DGKB: variants seen among roughly 807,000 people sequenced by gnomAD.
The protein encoded by DGKB is 90 kDa diacylglycerol kinase.
DGKB carries 67 observed loss-of-function variants against 114.3 expected under a neutral mutation model. The observed-to-expected ratio is 0.59, with a 90% confidence interval of 0.48 to 0.72. The LOEUF is 0.72. Ranked by LOEUF, DGKB falls within the 30% of genes least tolerant of loss-of-function variation. The pLI, the probability that DGKB is intolerant of heterozygous loss-of-function variation, is 0.00. For synonymous variants in DGKB, 398 were observed against 323.1 expected (o/e 1.23, Z -2.49); for missense variants, 907 against 975.2 (o/e 0.93, Z 0.93).
intron 2 of DGKB, among the ~76,000 whole-genome samples, chr7:14,775,547 G>A (rs370411150): frequency 3.2e-4 from 49 of 151,884 alleles, no homozygotes; most frequent in Admixed American, 7.2e-4. Flanking sequence ...CCTAGTGGGA[G>A]ATAATTGAAT....
At chr7:14,944,847 G>T (rs1342419105) in intron 1 of DGKB, among the ~76,000 whole-genome samples, 1 of 151,634 alleles carries the variant, frequency 6.6e-6, no homozygotes, top group African/African-American at 2.4e-5. Flanking sequence ...CATTTTATTT[G>T]GTTTGTATAT....
chr7:14,549,051 T>A (rs1427280251), intron 20 of DGKB, among the ~76,000 whole-genome samples: 1 of 151,714 alleles, frequency 6.6e-6, no homozygotes, highest in African/African-American at 2.4e-5. Flanking sequence ...ATCCTGGTGA[T>A]CATCAGCAAT....
At chr7:14,329,304 C>G (rs1809296819) in intron 23 of DGKB, among the ~76,000 whole-genome samples, 1 of 151,756 alleles carries the variant, frequency 6.6e-6, no homozygotes, top group Non-Finnish European at 1.5e-5. Flanking sequence ...TAGAGTGTGG[C>G]CATTATATCA....
chr7:14,812,454 CA>C (rs1192244382), intron 2 of DGKB, among the ~76,000 whole-genome samples: 1 of 152,058 alleles, frequency 6.6e-6, no homozygotes, highest in Non-Finnish European at 1.5e-5. Flanking sequence ...AGAACAGATA[CA>C]TTCACTCACG....
intron 2 of DGKB, among the ~76,000 whole-genome samples, chr7:14,805,979 T>G (rs1226248904): frequency 6.6e-6 from 1 of 151,458 alleles, no homozygotes; most frequent in Non-Finnish European, 1.5e-5. Context: ...TTCTAAAAAT[T>G]TTCAAGTAAT....
At chr7:14,714,200 T>C (rs1040249251) in intron 6 of DGKB, among the ~76,000 whole-genome samples, 2 of 151,952 alleles carry the variant, frequency 1.3e-5, no homozygotes, top group Admixed American at 6.6e-5. Context: ...GCCTCAAATG[T>C]GGACTAGACT....
intron 3 of DGKB, among the ~76,000 whole-genome samples, chr7:14,755,504 A>G (rs553212347): frequency 6.6e-6 from 1 of 152,212 alleles, no homozygotes; most frequent in African/African-American, 2.4e-5. Context: ...TCAATTGTCC[A>G]TTTTTTCTTG....
intron 1 of DGKB, among the ~76,000 whole-genome samples, chr7:14,962,072 C>G (rs958156135): frequency 4.6e-5 from 7 of 152,078 alleles, no homozygotes; most frequent in African/African-American, 1.7e-4. Context: ...AACCGTTTGT[C>G]TAAAACTTTA....
intron 17 of DGKB, among the ~76,000 whole-genome samples, chr7:14,590,747 T>C (rs749194772): frequency 2.6e-5 from 4 of 152,136 alleles, no homozygotes; most frequent in Admixed American, 6.6e-5. Context: ...TAACACCACG[T>C]GGTTTGTTGG....
chr7:14,191,924 C>A, intron 23 of DGKB: 4 of 641,304 alleles, frequency 6.2e-6, no homozygotes, highest in South Asian at 4.4e-5. Flanking sequence ...TGGTAAAAAG[C>A]TGGAAGATGG....
intron 23 of DGKB, among the ~76,000 whole-genome samples, chr7:14,296,227 T>A (rs1802536177): frequency 6.6e-6 from 1 of 152,048 alleles, no homozygotes; most frequent in African/African-American, 2.4e-5. Flanking sequence ...AGACGGGGTT[T>A]CACCATGTTG....
intron 1 of DGKB, among the ~76,000 whole-genome samples, chr7:14,945,885 GACAAGTC>G (rs1320294558): frequency 6.6e-6 from 1 of 151,376 alleles, no homozygotes; most frequent in East Asian, 1.9e-4. Flanking sequence ...ATTTATAGTA[GACAAGTC>G]ACAACGTTTT....
At chr7:14,836,246 C>T (rs1847141561) in intron 2 of DGKB, among the ~76,000 whole-genome samples, 2 of 152,184 alleles carry the variant, frequency 1.3e-5, no homozygotes, top group South Asian at 2.1e-4. Flanking sequence ...TATGCACATT[C>T]GTCCTTATTG....
chr7:14,829,388 C>T (rs112678731), intron 2 of DGKB, among the ~76,000 whole-genome samples: 14 of 152,062 alleles, frequency 9.2e-5, no homozygotes, highest in African/African-American at 2.7e-4. Flanking sequence ...TACAGGCTGT[C>T]GGGAAAAGAA....
At chr7:14,192,847 G>T (rs1584367819) in intron 23 of DGKB, among the ~76,000 whole-genome samples, 1 of 151,994 alleles carries the variant, frequency 6.6e-6, no homozygotes, top group South Asian at 2.1e-4. Context: ...TTGTTTTCCT[G>T]CAACTAGATG....
intron 1 of DGKB, among the ~76,000 whole-genome samples, chr7:14,929,462 T>C (rs1267803236): frequency 6.6e-6 from 1 of 152,166 alleles, no homozygotes; most frequent in African/African-American, 2.4e-5. Flanking sequence ...TTTGTATTTC[T>C]CTGATGGTTA....
At chr7:14,206,921 G>C (rs1192667647) in intron 23 of DGKB, among the ~76,000 whole-genome samples, 2 of 151,588 alleles carry the variant, frequency 1.3e-5, no homozygotes, top group African/African-American at 2.4e-5. Flanking sequence ...ACTCATATCA[G>C]TTATTAGCAA....
At chr7:14,739,684 C>T (rs889817026) in intron 4 of DGKB, among the ~76,000 whole-genome samples, 16 of 152,098 alleles carry the variant, frequency 1.1e-4, no homozygotes, top group Admixed American at 2.6e-4. Flanking sequence ...ATCTCTTTCA[C>T]TTTCGTTTCT....
At chr7:14,482,292 A>G (rs1783096598) in intron 20 of DGKB, among the ~76,000 whole-genome samples, 1 of 152,010 alleles carries the variant, frequency 6.6e-6, no homozygotes. Context: ...GATTCATAAT[A>G]CCTTCTCCTT....
Sources: allele counts gnomAD v4.1 joint callset (sites outside exome capture counted in the v4.1 genomes callset), GRCh38; gene constraint gnomAD v4.1.1; transcripts MANE v1.5; gene names NCBI Gene and HGNC (gene_info 2026-07-23, HGNC 2026-07-21).